The following TRMT9B variants were observed in gnomAD, a reference collection of about 807,000 sequenced individuals.
TRMT9B encodes the protein probable tRNA methyltransferase 9B.
In TRMT9B, 16 loss-of-function variants were observed where a neutral mutation model predicts 11.5. The observed-to-expected ratio is 1.39, with a 90% CI of 0.94 to 2.11. TRMT9B has a LOEUF of 2.11. Ranked by LOEUF, TRMT9B falls within the 30% of genes most tolerant of loss-of-function variation. TRMT9B has a pLI of 0.00. For synonymous variants in TRMT9B, 274 were observed against 192.4 expected (o/e 1.42, Z -3.51); for missense variants, 941 against 553.8 (o/e 1.70, Z -7.02).
intron 1 of TRMT9B, among the ~76,000 whole-genome samples, chr8:12,985,190 T>A (rs1806080459): frequency 1.3e-5 from 2 of 152,178 alleles, no homozygotes; most frequent in Non-Finnish European, 2.9e-5. Flanking sequence ...CTTTCTTTCA[T>A]CATGTTTATC....
rs1236908123 is a variant in TRMT9B at position 12,954,307 on chromosome 8, A to T, written c.-200+8341A>T. Among the ~76,000 whole-genome samples the T allele has an allele frequency of 2.0e-5, 3 of 152,366 alleles. No homozygotes were observed. The East Asian group carries it at 5.8e-4, about 29-fold the overall frequency. The stretch of plus-strand genomic sequence containing the variant: ...GCTTAAATGCATTTCACTTGTAAAG[A>T]ATTTATATGCTCCTTTAGAGAACTA... On this transcript the variant is annotated intron_variant, in intron 1 of 4. Transcript: ENST00000524591.
chr8:13,011,787 G>C (rs2460918), intron 3 of TRMT9B: 254,117 of 946,416 alleles, frequency 0.27, 35,657 homozygotes, highest in East Asian at 0.6. Context: ...TTGTATACTG[G>C]ACCCATAGAG....
In TRMT9B at chr8:12,952,130, C is replaced by G. The variant is rs1275460114; in HGVS notation, c.-200+6164C>G. 5 of 446,816 alleles carry G rather than the reference C, an allele frequency of 1.1e-5. 1 individual carries two copies. In the Admixed American group the frequency reaches 1.2e-4, roughly 11 times the overall value. The allele number at this position is 446,816 out of a possible 1,614,324, so 27.7% of individuals were successfully genotyped here. ...ATGCAAAAGCAGCTTTTGCCCCTGG[C>G]TGCGGGACAGCGCTGTGACTACTCG... is the stretch of plus-strand genomic sequence containing the variant. On this transcript the variant is annotated intron_variant, in intron 1 of 4. Coordinates refer to ENST00000524591, the MANE Select transcript of TRMT9B (RefSeq NM_020844.3).
chr8:13,016,103 T>C (rs961221233), intron 4 of TRMT9B, among the ~76,000 whole-genome samples: 3 of 143,458 alleles, frequency 2.1e-5, no homozygotes, highest in Non-Finnish European at 4.5e-5. Flanking sequence ...GGTATATATA[T>C]ATGATATATA....
chr8:12,972,309 G>A (rs148991497), intron 1 of TRMT9B, among the ~76,000 whole-genome samples: 211 of 152,288 alleles, frequency 1.4e-3, no homozygotes, highest in Non-Finnish European at 2.2e-3. Context: ...GGGGCTGGCC[G>A]GCTGGTGCGG....
At chr8:12,969,198 C>G (rs948730578) in intron 1 of TRMT9B, among the ~76,000 whole-genome samples, 1 of 151,882 alleles carries the variant, frequency 6.6e-6, no homozygotes, top group Non-Finnish European at 1.5e-5. Flanking sequence ...GAGAGTGAAA[C>G]TGTGTCTAAA....
chr8:13,010,435 A>G, intron 3 of TRMT9B: 1 of 985,098 alleles, frequency 1.0e-6, no homozygotes, highest in Non-Finnish European at 1.2e-6. Flanking sequence ...TTCTGTTGCT[A>G]GGTTTTTCCA....
intron 1 of TRMT9B, chr8:12,962,334 G>T (rs375966915): frequency 6.6e-6 from 1 of 152,198 alleles, no homozygotes; most frequent in African/African-American, 2.4e-5. Flanking sequence ...TAATTTTAAC[G>T]ATTTTTGTCA....
chr8:12,978,298 A>G (rs1031442061), intron 1 of TRMT9B, among the ~76,000 whole-genome samples: 2 of 152,140 alleles, frequency 1.3e-5, no homozygotes, highest in Non-Finnish European at 2.9e-5. Flanking sequence ...CAGCCCAAGA[A>G]CCATTCTATA....
intron 1 of TRMT9B, among the ~76,000 whole-genome samples, chr8:12,963,757 C>T (rs1027886285): frequency 1.3e-5 from 2 of 152,146 alleles, no homozygotes; most frequent in African/African-American, 4.8e-5. Flanking sequence ...TCAAACAAAA[C>T]AAAAATGTAT....
rs958777867 is a variant in TRMT9B, at chr8:13,006,214, A to T, written c.12A>T (p.Glu4Asp). MDHEAAQLEKQHVH... is the reference protein window; with the variant it reads MDHDAAQLEKQHVH... ...CTGTTTTCTCCAGGATGGATCATGAAGCCGCCCAGCTGGAGAAGCAGCATG... is the reference window on the plus strand; with the variant it reads ...CTGTTTTCTCCAGGATGGATCATGATGCCGCCCAGCTGGAGAAGCAGCATG... Residue 4 changes from glutamate to aspartate, a missense_variant, in exon 3 of 5, where the codon GAA becomes GAT. Physicochemically the swap from Glu to Asp is conservative, Grantham distance 45. Transcript: ENST00000524591. 34 of 1,613,856 alleles carry T rather than the reference A, an allele frequency of 2.1e-5. No homozygotes were observed. In the Middle Eastern group the frequency reaches 5.0e-4, roughly 23 times the overall value.
chr8:13,027,577 T>G lies in TRMT9B; in HGVS notation c.*5533T>G. ...TCATTTCCTGCAGTTGCACCCGATT[T>G]TTTCTGTTCTGCAATCTGCTATTTT... On this transcript the variant is annotated 3_prime_UTR_variant, in exon 5 of 5. Coordinates refer to ENST00000524591, the MANE Select transcript of TRMT9B (RefSeq NM_020844.3). 1 of 167,216 alleles carries G rather than the reference T, an allele frequency of 6.0e-6. No homozygotes were observed. 10.4% of individuals were successfully genotyped at this position (167,216 alleles called of 1,614,324 possible).
Position 13,027,419 on chromosome 8 carries a change from C to T in TRMT9B, c.*5375C>T, listed in dbSNP as rs182677017. The T allele has an allele frequency of 3.9e-4, 65 of 167,106 alleles. 1 individual carries two copies. In the East Asian group the frequency reaches 0.011, roughly 29 times the overall value. 10.4% of individuals were successfully genotyped at this position (167,106 alleles called of 1,614,324 possible). ...TGGACTTAATCTAGCTTACCCTAGA[C>T]GTATTAACATCCTATAGCGCACGTG... On this transcript the variant is annotated 3_prime_UTR_variant, in exon 5 of 5. Transcript: ENST00000524591.
intron 4 of TRMT9B, among the ~76,000 whole-genome samples, chr8:13,015,633 C>T (rs1812507995): frequency 6.6e-6 from 1 of 152,136 alleles, no homozygotes; most frequent in Non-Finnish European, 1.5e-5. Context: ...TGATTACAGG[C>T]ATGAACTACC....
intron 1 of TRMT9B, among the ~76,000 whole-genome samples, chr8:12,975,320 C>A (rs984173522): frequency 6.6e-6 from 1 of 151,934 alleles, no homozygotes; most frequent in Non-Finnish European, 1.5e-5. Context: ...ATATAGATAA[C>A]AAATATTTTG....
chr8:12,997,948 A>G (rs899047606), intron 2 of TRMT9B, among the ~76,000 whole-genome samples: 6 of 152,074 alleles, frequency 3.9e-5, no homozygotes, highest in Non-Finnish European at 7.4e-5. Flanking sequence ...ATTCTTTTGT[A>G]TAGGTGGTGG....
At chr8:13,014,986 A>C (rs975322308) in intron 4 of TRMT9B, among the ~76,000 whole-genome samples, 4 of 151,846 alleles carry the variant, frequency 2.6e-5, no homozygotes, top group Non-Finnish European at 4.4e-5. Flanking sequence ...TTGAACCCAG[A>C]AGGAAGAGGT....
chr8:12,977,701 AAAAC>A (rs761568542), intron 1 of TRMT9B, among the ~76,000 whole-genome samples: 32 of 152,156 alleles, frequency 2.1e-4, no homozygotes, highest in South Asian at 6.2e-4. Flanking sequence ...CTCTGTCTCA[AAAAC>A]AAACAAACAA....
chr8:12,952,681 A>C (rs1800783332), intron 1 of TRMT9B: 1 of 984,654 alleles, frequency 1.0e-6, no homozygotes, highest in African/African-American at 1.7e-5. Flanking sequence ...AATACAGTTT[A>C]AGAAGGAATG....
Sources: allele counts gnomAD v4.1 joint callset (sites outside exome capture counted in the v4.1 genomes callset), GRCh38; gene constraint gnomAD v4.1.1; transcripts MANE v1.5; gene names NCBI Gene and HGNC (gene_info 2026-07-23, HGNC 2026-07-21).